TMEM45B: variants seen among roughly 807,000 people sequenced by gnomAD.
TMEM45B encodes the protein transmembrane protein 45B.
In TMEM45B, 29 loss-of-function variants were observed where a neutral mutation model predicts 27.3. The observed-to-expected ratio is 1.06, with a 90% confidence interval of 0.79 to 1.45. The LOEUF (loss-of-function observed/expected upper bound fraction) is 1.45, where lower values mean the gene tolerates loss of function less well. TMEM45B is among the 40% of genes most tolerant of loss of function. TMEM45B has a pLI of 0.00. For missense variants in TMEM45B, 348 were observed against 343.9 expected (o/e 1.01, Z -0.09); for synonymous variants, 143 against 134.7 (o/e 1.06, Z -0.43).
chr11:129,854,817 G>A lies in TMEM45B; in HGVS notation c.385+1G>A, dbSNP rs1180969592. 3.1e-6 allele frequency: 5 copies of A among 1,612,360 alleles called. No individual in the cohort carries two copies. Among genetic ancestry groups the A allele is most frequent in the Non-Finnish European group, 3.4e-6 (4 of 1,179,874 alleles). ...ATGGCTGTGGCAGTATTCATGGAAG[G>A]TAATTTTGTGGAACGGATGGAGAGG... On this transcript the variant is annotated splice_donor_variant, in intron 3 of 5. Coordinates refer to ENST00000281441, the MANE Select transcript of TMEM45B (RefSeq NM_138788.5). LOFTEE classifies it high-confidence loss of function.
At chr11:129,857,549 G>T in intron 5 of TMEM45B, 91 bp downstream of exon 5, 2 of 1,463,548 alleles carry the variant, frequency 1.4e-6, no homozygotes, top group African/African-American at 1.4e-5. Context: ...GCCGACTACA[G>T]GCCAAATTCT....
intron 1 of TMEM45B, among the ~76,000 whole-genome samples, chr11:129,823,029 C>T (rs1565362287): frequency 6.6e-6 from 1 of 151,954 alleles, no homozygotes; most frequent in Non-Finnish European, 1.5e-5. Context: ...TTAGTAGAGA[C>T]AGGGTTTCAC....
rs1244806041 is a variant in TMEM45B, at chr11:129,845,338, TGTG to T, written c.-8-7136_-8-7134del. 7.5e-3 allele frequency among the ~76,000 whole-genome samples: 264 copies of T among 35,002 alleles called. 7 individuals are homozygous for T. Among genetic ancestry groups the T allele is most frequent in the African/African-American group, 0.013 (243 of 18,932 alleles). 23.0% of individuals were successfully genotyped at this position (35,002 alleles called of 152,430 possible). ...GGGTAGGAAATAGAGCTATTATAGA[TGTG>T]TGTGTGTGTGTGTGTGTGTGTGTGT... On this transcript the variant is annotated intron_variant, in intron 1 of 5. Transcript: ENST00000281441.
chr11:129,843,364 C>T (rs746195911), intron 1 of TMEM45B, among the ~76,000 whole-genome samples: 17 of 152,132 alleles, frequency 1.1e-4, no homozygotes, highest in African/African-American at 2.4e-4. Flanking sequence ...CCCAGCTTTC[C>T]GCATCCTGGA....
At chr11:129,819,578 ATC>A (rs995976283) in intron 1 of TMEM45B, among the ~76,000 whole-genome samples, 2 of 145,616 alleles carry the variant, frequency 1.4e-5, no homozygotes, top group African/African-American at 5.1e-5. Flanking sequence ...TCTCTGTCTC[ATC>A]TCTTTCTTTC....
At chr11:129,852,756 G>T (rs1947866727) in intron 2 of TMEM45B, 96 bp downstream of exon 2, 11 of 1,369,004 alleles carry the variant, frequency 8.0e-6, no homozygotes, top group Non-Finnish European at 1.1e-5. Context: ...GTTCCCACTG[G>T]CAGAGATAAT....
chr11:129,841,092 A>ACTACTAGAT lies in TMEM45B; in HGVS notation c.-8-11380_-8-11372dup, dbSNP rs148702710. Among the ~76,000 whole-genome samples the ACTACTAGAT allele has an allele frequency of 5.1e-3, 774 of 152,134 alleles. 9 individuals carry two copies. Among genetic ancestry groups the ACTACTAGAT allele is most frequent in the African/African-American group, 0.018 (737 of 41,488 alleles). ...ATTGAGCAGCATTTATTCTTGAAAAACTACTAGATCTTCAGGCAAGTAGGA... is the reference window on the plus strand; with the variant it reads ...ATTGAGCAGCATTTATTCTTGAAAAACTACTAGATCTACTAGATCTTCAGGCAAGTAGGA... On this transcript the variant is annotated intron_variant, in intron 1 of 5. Coordinates refer to ENST00000281441, the MANE Select transcript of TMEM45B (RefSeq NM_138788.5).
At chr11:129,818,000 A>G (rs758601181) in intron 1 of TMEM45B, among the ~76,000 whole-genome samples, 4 of 152,182 alleles carry the variant, frequency 2.6e-5, no homozygotes, top group Non-Finnish European at 5.9e-5. Context: ...GACACATTCC[A>G]TATTTGTTTC....
intron 1 of TMEM45B, among the ~76,000 whole-genome samples, chr11:129,818,771 A>C (rs1947382062): frequency 6.6e-6 from 1 of 152,246 alleles, no homozygotes; most frequent in Admixed American, 6.5e-5. Flanking sequence ...AATTACAAAA[A>C]TATCTTAGAG....
chr11:129,827,528 G>A (rs1947499626), intron 1 of TMEM45B, among the ~76,000 whole-genome samples: 1 of 133,468 alleles, frequency 7.5e-6, no homozygotes, highest in South Asian at 2.3e-4. Context: ...TTATGGCCAG[G>A]CGCAGTGGCT....
chr11:129,856,768 C>T (rs1326656058), intron 4 of TMEM45B, among the ~76,000 whole-genome samples: 1 of 151,418 alleles, frequency 6.6e-6, no homozygotes, highest in African/African-American at 2.4e-5. Flanking sequence ...ACCGTGTTAG[C>T]CAGGATGGTT....
intron 1 of TMEM45B, among the ~76,000 whole-genome samples, chr11:129,827,865 G>A (rs1947504630): frequency 6.6e-6 from 1 of 152,092 alleles, no homozygotes; most frequent in Admixed American, 6.5e-5. Context: ...AGCTACTCAG[G>A]AAGCTGAGGC....
At chr11:129,843,712 G>GGAAATGTAAATCAAAGTCACAATAAGATA (rs1435186897) in intron 1 of TMEM45B, among the ~76,000 whole-genome samples, 1 of 152,070 alleles carries the variant, frequency 6.6e-6, no homozygotes, top group Non-Finnish European at 1.5e-5. Context: ...TAATCGTCAG[G>GGAAATGTAAATCAAAGTCACAATAAGATA]GAAATGTAAA....
At chr11:129,848,635 A>C (rs1334149131) in intron 1 of TMEM45B, among the ~76,000 whole-genome samples, 1 of 152,204 alleles carries the variant, frequency 6.6e-6, no homozygotes, top group Non-Finnish European at 1.5e-5. Context: ...GCCTGTGTCC[A>C]GGGTTGGAAT....
intron 1 of TMEM45B, among the ~76,000 whole-genome samples, chr11:129,824,957 T>C (rs691385): frequency 0.93 from 142,042 of 152,142 alleles, 66,366 homozygotes; most frequent in East Asian, 1. Context: ...GTCAGGTTCA[T>C]GGTGGGGAGA....
At chr11:129,830,070 C>A (rs1363269759) in intron 1 of TMEM45B, among the ~76,000 whole-genome samples, 1 of 152,238 alleles carries the variant, frequency 6.6e-6, no homozygotes, top group Non-Finnish European at 1.5e-5. Flanking sequence ...GTGGTTCACA[C>A]CTGTAATCCC....
At chr11:129,843,140 C>T (rs1206079320) in intron 1 of TMEM45B, among the ~76,000 whole-genome samples, 1 of 152,140 alleles carries the variant, frequency 6.6e-6, no homozygotes, top group Non-Finnish European at 1.5e-5. Flanking sequence ...GGAGTTTTGC[C>T]ATGTTGGCCA....
intron 4 of TMEM45B, 49 bp from the exon 5 acceptor site, chr11:129,857,263 CT>C: frequency 6.2e-7 from 1 of 1,602,616 alleles, no homozygotes; most frequent in South Asian, 1.1e-5. Flanking sequence ...GGCTAGATTG[CT>C]TCTCAGGACG....
intron 1 of TMEM45B, among the ~76,000 whole-genome samples, chr11:129,845,061 GT>G (rs1483561257): frequency 6.6e-6 from 1 of 152,140 alleles, no homozygotes; most frequent in Non-Finnish European, 1.5e-5. Flanking sequence ...TTTGAAAAAT[GT>G]AAAATTGCTT....
Sources: allele counts gnomAD v4.1 joint callset (sites outside exome capture counted in the v4.1 genomes callset), GRCh38; gene constraint gnomAD v4.1.1; transcripts MANE v1.5; gene names NCBI Gene and HGNC (gene_info 2026-07-23, HGNC 2026-07-21).